Variants in FAM13A observed in about 807,000 individuals in gnomAD.
FAM13A encodes the protein family with sequence similarity 13 member A.
FAM13A carries 76 observed loss-of-function variants against 129.6 expected under a neutral mutation model. The observed-to-expected ratio is 0.59, with a 90% CI of 0.49 to 0.71. The LOEUF is 0.71. Ranked by LOEUF, FAM13A falls within the 30% of genes least tolerant of loss-of-function variation. FAM13A has a pLI of 0.00. For synonymous variants in FAM13A, 443 were observed against 449.9 expected, an observed-to-expected ratio of 0.98 and a Z score of 0.20; for missense variants, 1,108 against 1,249.3, an observed-to-expected ratio of 0.89 and a Z score of 1.70.
intron 2 of FAM13A, among the ~76,000 whole-genome samples, chr4:89,025,455 G>A (rs1358474061): frequency 6.0e-5 from 9 of 150,748 alleles, no homozygotes; most frequent in Admixed American, 2.0e-4. Context: ...TAGTAGAGAC[G>A]GGGTTTCACC....
At chr4:88,817,134 A>G (rs1730897944) in intron 7 of FAM13A, among the ~76,000 whole-genome samples, 1 of 152,198 alleles carries the variant, frequency 6.6e-6, no homozygotes, top group Non-Finnish European at 1.5e-5. Flanking sequence ...CTCACAAAAG[A>G]TTACCTATGA....
chr4:88,943,247 A>G (rs1456557219), intron 4 of FAM13A, among the ~76,000 whole-genome samples: 1 of 152,214 alleles, frequency 6.6e-6, no homozygotes, highest in Non-Finnish European at 1.5e-5. Flanking sequence ...ACATTCCAGA[A>G]GGGCTCCTTA....
At chr4:88,836,789 G>A (rs563933330) in intron 7 of FAM13A, among the ~76,000 whole-genome samples, 22 of 151,868 alleles carry the variant, frequency 1.4e-4, no homozygotes, top group African/African-American at 3.9e-4. Context: ...GTGAAACCCC[G>A]TCTCTACTAA....
chr4:88,755,740 T>C (rs527318199), intron 14 of FAM13A, among the ~76,000 whole-genome samples: 21 of 152,350 alleles, frequency 1.4e-4, no homozygotes, highest in Admixed American at 9.8e-4. Context: ...GAGAATTTCC[T>C]TTCCAAAGTT....
chr4:88,736,993 T>G (rs1227582805), intron 21 of FAM13A, among the ~76,000 whole-genome samples: 4 of 152,228 alleles, frequency 2.6e-5, no homozygotes, highest in Non-Finnish European at 5.9e-5. Context: ...AGAAGTACAA[T>G]TTTTCATTGT....
At chr4:88,802,612 A>G (rs1287738309) in intron 8 of FAM13A, among the ~76,000 whole-genome samples, 3 of 152,178 alleles carry the variant, frequency 2.0e-5, no homozygotes, top group Non-Finnish European at 4.4e-5. Context: ...CACATTATAG[A>G]AACTGAAATT....
At chr4:88,771,031 T>G (rs891780926) in intron 11 of FAM13A, among the ~76,000 whole-genome samples, 1 of 152,200 alleles carries the variant, frequency 6.6e-6, no homozygotes, top group African/African-American at 2.4e-5. Flanking sequence ...TGCTGAATAT[T>G]CATTGTCTGG....
At chr4:89,040,251 G>C (rs1769936392) in intron 1 of FAM13A, among the ~76,000 whole-genome samples, 1 of 152,152 alleles carries the variant, frequency 6.6e-6, no homozygotes. Context: ...AACATACAAA[G>C]AGACAGAGGG....
At chr4:88,829,893 C>A (rs1733595620) in intron 7 of FAM13A, among the ~76,000 whole-genome samples, 1 of 152,152 alleles carries the variant, frequency 6.6e-6, no homozygotes, top group Non-Finnish European at 1.5e-5. Flanking sequence ...GTGTCCATAC[C>A]TTTTCCACCA....
intron 4 of FAM13A, among the ~76,000 whole-genome samples, chr4:88,976,121 T>C (rs1560614096): frequency 6.6e-6 from 1 of 152,186 alleles, no homozygotes. Flanking sequence ...AAACATGCGG[T>C]TTCATTTTTA....
rs111323396 is a variant in FAM13A, at chr4:88,913,700, C to T, written c.760-7238G>A. On this transcript the variant is annotated intron_variant, in intron 5 of 23. Transcript: ENST00000264344. ...TGTTGAATAAATGAATGAAGGAAGTCGGAGTGACTCAAGAGTTGATACAGA... is the reference window on the plus strand; with the variant it reads ...TGTTGAATAAATGAATGAAGGAAGTTGGAGTGACTCAAGAGTTGATACAGA... Among the ~76,000 whole-genome samples, 19 of 152,272 alleles carry T rather than the reference C, an allele frequency of 1.2e-4. 1 individual carries two copies. Among genetic ancestry groups the T allele is most frequent in the East Asian group, 9.6e-4 (5 of 5,184 alleles).
At chr4:88,779,962 C>A (rs2149608029) in intron 11 of FAM13A, among the ~76,000 whole-genome samples, 1 of 152,132 alleles carries the variant, frequency 6.6e-6, no homozygotes, top group East Asian at 1.9e-4. Flanking sequence ...AATCATGGGC[C>A]AATTAGAGAG....
At chr4:88,769,799 C>T (rs1191583045) in intron 11 of FAM13A, among the ~76,000 whole-genome samples, 1 of 151,742 alleles carries the variant, frequency 6.6e-6, no homozygotes, top group Non-Finnish European at 1.5e-5. Context: ...CCACTGCACT[C>T]CAGCCTGGCG....
At chr4:88,745,852 T>A (rs894915295) in intron 19 of FAM13A, among the ~76,000 whole-genome samples, 2 of 124,976 alleles carry the variant, frequency 1.6e-5, no homozygotes, top group African/African-American at 3.1e-5. Context: ...AGTGCCAGCA[T>A]TTTTTTTTTT....
intron 3 of FAM13A, among the ~76,000 whole-genome samples, chr4:89,001,008 C>T (rs1764183147): frequency 6.6e-6 from 1 of 152,262 alleles, no homozygotes; most frequent in Non-Finnish European, 1.5e-5. Context: ...ATAATTTGCT[C>T]AGTCATGGCT....
At chr4:88,894,791 G>C (rs1746006110) in intron 6 of FAM13A, among the ~76,000 whole-genome samples, 1 of 152,132 alleles carries the variant, frequency 6.6e-6, no homozygotes, top group Non-Finnish European at 1.5e-5. Context: ...TATAGTGCTG[G>C]AATTACAGGC....
chr4:88,882,919 G>A (rs1044566325), intron 6 of FAM13A, among the ~76,000 whole-genome samples: 1 of 151,654 alleles, frequency 6.6e-6, no homozygotes, highest in African/African-American at 2.4e-5. Context: ...AAAGACAGAG[G>A]GACATTATAT....
intron 7 of FAM13A, among the ~76,000 whole-genome samples, chr4:88,814,227 C>T (rs1730230242): frequency 6.6e-6 from 1 of 152,164 alleles, no homozygotes; most frequent in African/African-American, 2.4e-5. Flanking sequence ...GGTTCCAATC[C>T]AAGTCTGAAG....
chr4:88,794,886 A>G (rs746958499), intron 8 of FAM13A, among the ~76,000 whole-genome samples: 6 of 151,864 alleles, frequency 4.0e-5, no homozygotes, highest in Non-Finnish European at 8.9e-5. Context: ...TTAAAATACG[A>G]TAAGTTGATA....
Sources: allele counts gnomAD v4.1 joint callset (sites outside exome capture counted in the v4.1 genomes callset), GRCh38; gene constraint gnomAD v4.1.1; transcripts MANE v1.5; gene names NCBI Gene and HGNC (gene_info 2026-07-23, HGNC 2026-07-21).